PRDX6: variants seen among roughly 807,000 people sequenced by gnomAD.
PRDX6 encodes the protein peroxiredoxin 6.
Under a neutral mutation model 20.0 loss-of-function variants are expected in PRDX6, and 13 were observed. The observed-to-expected ratio is 0.65, with a 90% CI of 0.42 to 1.03. The LOEUF is 1.03. PRDX6 is among the 50% of genes least tolerant of loss of function. The pLI is 0.00. For synonymous variants in PRDX6, 85 were observed against 100.8 expected, an observed-to-expected ratio of 0.84 and a Z score of 0.94; for missense variants, 203 against 276.9, an observed-to-expected ratio of 0.73 and a Z score of 1.89.
intron 1 of PRDX6, among the ~76,000 whole-genome samples, chr1:173,478,251 TG>T (rs1450876040): frequency 6.6e-6 from 1 of 152,194 alleles, no homozygotes; most frequent in Non-Finnish European, 1.5e-5. Context: ...TTCCAGAACT[TG>T]CAACACTTGG....
At chr1:173,484,167 T>TA (rs1658856759) in intron 2 of PRDX6, among the ~76,000 whole-genome samples, 1 of 105,326 alleles carries the variant, frequency 9.5e-6, no homozygotes, top group African/African-American at 4.5e-5. Context: ...TATATATATA[T>TA]TTATATATAT....
At chr1:173,478,636 TG>T (rs1658749369) in intron 1 of PRDX6, among the ~76,000 whole-genome samples, 2 of 152,250 alleles carry the variant, frequency 1.3e-5, no homozygotes, top group Middle Eastern at 6.8e-3. Flanking sequence ...CACTACACTG[TG>T]GGGCTCCAAG....
rs376603905 is a variant in PRDX6 at position 173,477,386 on chromosome 1, A to C, written c.-12A>C. Reference sequence around the variant, plus strand: ...CTTGCTGTCCCAGCGGCGCCCCCTCATCACCGTCGCCATGCCCGGAGGTCT... The same window carrying C: ...CTTGCTGTCCCAGCGGCGCCCCCTCCTCACCGTCGCCATGCCCGGAGGTCT... On this transcript the variant is annotated 5_prime_UTR_variant, in exon 1 of 5. Transcript: ENST00000340385. 2.8e-5 allele frequency: 45 copies of C among 1,596,462 alleles called. No individual in the cohort carries two copies. Among genetic ancestry groups the C allele is most frequent in the Non-Finnish European group, 3.8e-5 (44 of 1,171,440 alleles).
chr1:173,487,922 C>T lies in PRDX6; in HGVS notation c.*59C>T. The T allele has an allele frequency of 1.2e-6, 2 of 1,600,930 alleles. No individual in the cohort carries two copies. Among genetic ancestry groups the T allele is most frequent in the Non-Finnish European group, 8.5e-7 (1 of 1,172,772 alleles). ...GATGTCAGCTGCCAATTGTGTTTTC[C>T]TGCAGCAATTCCATAAACACATCCT... On this transcript the variant is annotated 3_prime_UTR_variant, in exon 5 of 5. Transcript: ENST00000340385.
At chr1:173,482,008 T>A (rs1658811847) in intron 2 of PRDX6, 1 of 153,504 alleles carries the variant, frequency 6.5e-6, no homozygotes, top group Admixed American at 6.4e-5. Flanking sequence ...ATCTCAAACC[T>A]AGCATGTCTA....
intron 4 of PRDX6, among the ~76,000 whole-genome samples, chr1:173,487,419 G>A (rs1328915136): frequency 6.6e-6 from 1 of 152,168 alleles, no homozygotes; most frequent in Non-Finnish European, 1.5e-5. Flanking sequence ...GGTGGGGTGA[G>A]GGACAAGAGA....
In PRDX6 at chr1:173,477,444, C is replaced by A; in HGVS notation, c.47C>A (p.Ala16Asp). The change falls in exon 1 of 5, where the codon GCC (alanine) becomes GAC (aspartate). Residue 16 changes from alanine (A) to aspartate (D), a missense_variant. Coordinates refer to ENST00000340385, the MANE Select transcript of PRDX6 (RefSeq NM_004905.3). Reference protein sequence around the residue: ...LLGDVAPNFEANTTVGRIRFH... With the variant: ...LLGDVAPNFEDNTTVGRIRFH... ...GGGGACGTGGCTCCCAACTTTGAGG[C>A]CAATACCACCGTCGGCCGCATCCGT... 1 of 1,608,626 alleles carries A rather than the reference C, an allele frequency of 6.2e-7. No individual in the cohort carries two copies. The highest frequency in any genetic ancestry group is 1.1e-5 in the South Asian group (1 of 90,384).
intron 3 of PRDX6, among the ~76,000 whole-genome samples, chr1:173,485,891 C>G (rs1041636694): frequency 6.6e-6 from 1 of 152,100 alleles, no homozygotes; most frequent in Non-Finnish European, 1.5e-5. Context: ...GAAAACAAAC[C>G]CAATCCCTCA....
rs35891117 is a variant in PRDX6 at position 173,481,182 on chromosome 1, A to G, written c.96-144A>G. On this transcript the variant is annotated intron_variant, in intron 1 of 4. Coordinates refer to ENST00000340385, the MANE Select transcript of PRDX6 (RefSeq NM_004905.3). ...AGTAGATTGAAAAGCACTCCTCAACAGAAAAGCTTAAAAGTAAATATCATC... is the reference window on the plus strand; with the variant it reads ...AGTAGATTGAAAAGCACTCCTCAACGGAAAAGCTTAAAAGTAAATATCATC... The G allele has an allele frequency of 4.9e-3, 4,068 of 821,938 alleles. 114 individuals carry two copies. The African/African-American group carries it at 0.062, about 13-fold the overall frequency. The allele number at this position is 821,938 out of a possible 1,614,324, so 50.9% of individuals were successfully genotyped here. A position where few individuals can be genotyped will look rare whatever the true frequency, so the allele number is the denominator to read the frequency against.
At chr1:173,487,666 G>A in intron 4 of PRDX6, 69 bp from the exon 5 acceptor site, 1 of 1,570,008 alleles carries the variant, frequency 6.4e-7, no homozygotes, top group African/African-American at 1.4e-5. Flanking sequence ...CTTTTCTAAA[G>A]TTAATTCCTG....
intron 2 of PRDX6, among the ~76,000 whole-genome samples, chr1:173,482,956 A>G (rs1299999074): frequency 6.6e-6 from 1 of 152,242 alleles, no homozygotes; most frequent in Non-Finnish European, 1.5e-5. Flanking sequence ...ATGAGATTTC[A>G]ACCTCAAATC....
At chr1:173,483,337 A>G (rs1013925313) in intron 2 of PRDX6, among the ~76,000 whole-genome samples, 5 of 152,240 alleles carry the variant, frequency 3.3e-5, no homozygotes, top group Non-Finnish European at 7.3e-5. Context: ...TGCCTCTAGC[A>G]TGAGACTATA....
At chr1:173,481,115 TTTGA>T in intron 1 of PRDX6, 2 of 522,294 alleles carry the variant, frequency 3.8e-6, no homozygotes, top group Middle Eastern at 5.1e-4. Context: ...ATTTCATGTC[TTTGA>T]TTGAATTGGG....
At chr1:173,480,485 T>G (rs35244306) in intron 1 of PRDX6, among the ~76,000 whole-genome samples, 1 of 152,230 alleles carries the variant, frequency 6.6e-6, no homozygotes, top group Non-Finnish European at 1.5e-5. Context: ...GAAATGGTAC[T>G]TCAGCTTTCT....
rs1658941058 is a variant in PRDX6 at position 173,488,533 on chromosome 1, A to C, written c.*670A>C. 6.6e-6 allele frequency: 1 copy of C among 152,164 alleles called. No homozygotes were observed. The allele number at this position is 152,164 out of a possible 1,614,324, so 9.4% of individuals were successfully genotyped here. A position where few individuals can be genotyped will look rare whatever the true frequency, so the allele number is the denominator to read the frequency against. On this transcript the variant is annotated 3_prime_UTR_variant, in exon 5 of 5. Coordinates refer to ENST00000340385, the MANE Select transcript of PRDX6 (RefSeq NM_004905.3). Reference sequence around the variant, plus strand: ...ATTTTGCTATAAAAAAATTTGTGATAAGTTTCTATCAAAATGGGGAGATTG... The same window carrying C: ...ATTTTGCTATAAAAAAATTTGTGATCAGTTTCTATCAAAATGGGGAGATTG...
Position 173,486,390 on chromosome 1 carries a change from G to T in PRDX6, c.535G>T (p.Val179Phe). The change falls in exon 4 of 5, where the codon GTT (valine) becomes TTT (phenylalanine). Residue 179 changes from valine to phenylalanine, a missense_variant. Val to Phe is a conservative substitution (Grantham distance 50). Coordinates refer to ENST00000340385, the MANE Select transcript of PRDX6 (RefSeq NM_004905.3). ...AGCAGAAAAAAGGGTTGCCACCCCA[G>T]TTGATTGGAAGGTAAAGATGTTTTT... ...LTAEKRVATP[V>F]DWKDGDSVMV... 2 of 1,606,614 alleles carry T rather than the reference G, an allele frequency of 1.2e-6. No individual in the cohort carries two copies. Among genetic ancestry groups the T allele is most frequent in the Non-Finnish European group, 1.7e-6 (2 of 1,176,952 alleles).
Position 173,481,457 on chromosome 1 carries a change from T to C in PRDX6, c.227T>C (p.Val76Ala). 1 of 1,614,186 alleles carries C rather than the reference T, an allele frequency of 6.2e-7. No individual in the cohort carries two copies. The highest frequency in any genetic ancestry group is 2.2e-5 in the East Asian group (1 of 44,888). The change falls in exon 2 of 5, where the codon GTT becomes GCT. Residue 76 changes from valine to alanine, a missense_variant. By Grantham distance (64) the Val-to-Ala change is moderately conservative. Coordinates refer to ENST00000340385, the MANE Select transcript of PRDX6 (RefSeq NM_004905.3). ...TTGATTGCCCTTTCAATAGACAGTG[T>C]TGAGGACCATCTTGCCTGGAGCAAG... is the stretch of plus-strand genomic sequence containing the variant. ...VKLIALSIDS[V>A]EDHLAWSKDI...
Position 173,488,117 on chromosome 1 carries a change from C to T in PRDX6, c.*254C>T, listed in dbSNP as rs1658931385. The T allele has an allele frequency of 2.4e-6, 1 of 410,758 alleles. No homozygotes were observed. The highest frequency in any genetic ancestry group is 4.4e-6 in the Non-Finnish European group (1 of 228,430). The allele number at this position is 410,758 out of a possible 1,614,324, so 25.4% of individuals were successfully genotyped here. ...TGAAATATGTTCTGTATTTAAAACTCAAATCTTGTTGGATCTCTGCAGGGC... is the reference window on the plus strand; with the variant it reads ...TGAAATATGTTCTGTATTTAAAACTTAAATCTTGTTGGATCTCTGCAGGGC... On this transcript the variant is annotated 3_prime_UTR_variant, in exon 5 of 5. Transcript: ENST00000340385.
intron 1 of PRDX6, among the ~76,000 whole-genome samples, chr1:173,480,687 T>C (rs1658786740): frequency 6.6e-6 from 1 of 152,182 alleles, no homozygotes; most frequent in African/African-American, 2.4e-5. Flanking sequence ...AAGGTGCTAT[T>C]GTTTTGTCAG....
Sources: allele counts gnomAD v4.1 joint callset (sites outside exome capture counted in the v4.1 genomes callset), GRCh38; gene constraint gnomAD v4.1.1; transcripts MANE v1.5; gene names NCBI Gene and HGNC (gene_info 2026-07-23, HGNC 2026-07-21).